PTN: variants seen among roughly 807,000 people sequenced by gnomAD.
PTN encodes pleiotrophin.
PTN carries 18 observed loss-of-function variants against 24.1 expected under a neutral mutation model. That is an observed-to-expected ratio of 0.75 (90% confidence interval 0.52 to 1.11). The LOEUF is 1.11. Among genes scored for constraint, PTN ranks in the 50% least tolerant of loss-of-function variants. PTN has a pLI of 0.00. For missense variants in PTN, 163 were observed against 198.8 expected (o/e 0.82, Z 1.08); for synonymous variants, 78 against 68.6 (o/e 1.14, Z -0.67).
intron 1 of PTN, among the ~76,000 whole-genome samples, chr7:137,342,435 T>A (rs1402015512): frequency 2.0e-5 from 3 of 152,070 alleles, no homozygotes; most frequent in Non-Finnish European, 4.4e-5. Context: ...CCCTCCTATT[T>A]TCTGAATGTG....
intron 4 of PTN, among the ~76,000 whole-genome samples, chr7:137,235,629 C>A (rs945170406): frequency 2.4e-4 from 37 of 152,032 alleles, no homozygotes; most frequent in Non-Finnish European, 1.5e-5. Context: ...TGTTTCATTT[C>A]CTCTTTTATG....
chr7:137,311,200 C>T (rs949658972), intron 1 of PTN, among the ~76,000 whole-genome samples: 2 of 145,570 alleles, frequency 1.4e-5, no homozygotes, highest in African/African-American at 5.1e-5. Flanking sequence ...CCACCGCACA[C>T]CAGCCTGGGT....
intron 1 of PTN, among the ~76,000 whole-genome samples, chr7:137,330,340 G>A (rs907928415): frequency 6.6e-6 from 1 of 151,906 alleles, no homozygotes; most frequent in Non-Finnish European, 1.5e-5. Flanking sequence ...AGGAGGAGGA[G>A]GAGAAGGAGA....
intron 1 of PTN, among the ~76,000 whole-genome samples, chr7:137,336,178 A>G (rs138346290): frequency 5.3e-4 from 81 of 152,242 alleles, no homozygotes; most frequent in African/African-American, 1.9e-3. Context: ...CGTCGTGACC[A>G]TTGACATTTA....
At chr7:137,259,495 T>C (rs1808995308) in intron 1 of PTN, among the ~76,000 whole-genome samples, 1 of 151,992 alleles carries the variant, frequency 6.6e-6, no homozygotes, top group Admixed American at 6.6e-5. Context: ...CTTGAGAGAC[T>C]TGTCATGAAG....
chr7:137,258,263 G>A (rs546206259), intron 1 of PTN, among the ~76,000 whole-genome samples: 8 of 152,216 alleles, frequency 5.3e-5, no homozygotes, highest in South Asian at 2.1e-4. Flanking sequence ...GTACTAGATG[G>A]GAGTTGGAGA....
chr7:137,293,839 A>C (rs1186955739), intron 1 of PTN, among the ~76,000 whole-genome samples: 1 of 152,220 alleles, frequency 6.6e-6, no homozygotes, highest in Non-Finnish European at 1.5e-5. Flanking sequence ...CGTACATTCT[A>C]TGGATTTGGA....
intron 1 of PTN, among the ~76,000 whole-genome samples, chr7:137,257,852 C>T (rs1372085924): frequency 6.6e-6 from 1 of 152,142 alleles, no homozygotes; most frequent in Non-Finnish European, 1.5e-5. Context: ...CCATGGGATG[C>T]TCATCCATAG....
chr7:137,231,006 G>A (rs572453451), intron 4 of PTN, among the ~76,000 whole-genome samples: 1 of 151,830 alleles, frequency 6.6e-6, no homozygotes, highest in African/African-American at 2.4e-5. Flanking sequence ...CCATCCTTCA[G>A]GTACCAGCAT....
intron 4 of PTN, among the ~76,000 whole-genome samples, chr7:137,238,828 T>C (rs1247384612): frequency 6.6e-6 from 1 of 152,158 alleles, no homozygotes; most frequent in Non-Finnish European, 1.5e-5. Context: ...AAATACTCAA[T>C]AAATAGGATA....
At chr7:137,333,664 C>T (rs1810397509) in intron 1 of PTN, among the ~76,000 whole-genome samples, 1 of 152,114 alleles carries the variant, frequency 6.6e-6, no homozygotes, top group Admixed American at 6.5e-5. Context: ...TTAAGAATGA[C>T]TTTCTTCACA....
intron 1 of PTN, among the ~76,000 whole-genome samples, chr7:137,340,130 A>C (rs559168654): frequency 6.6e-6 from 1 of 152,324 alleles, no homozygotes; most frequent in African/African-American, 2.4e-5. Flanking sequence ...GCCTAGAAAA[A>C]TGAATTAAAT....
chr7:137,252,138 C>T lies in PTN; in HGVS notation c.290-747G>A, dbSNP rs927762224. Among the ~76,000 whole-genome samples, 2 of 151,928 alleles carry T rather than the reference C, an allele frequency of 1.3e-5. 1 individual carries two copies. The highest frequency in any genetic ancestry group is 4.9e-5 in the African/African-American group (2 of 41,172). ...TTTCCACTGTGGCTGTACCACCTTA[C>T]AATTTCCACTGGCAACATATGAGGG... On this transcript the variant is annotated intron_variant, in intron 3 of 4. Transcript: ENST00000348225.
intron 1 of PTN, among the ~76,000 whole-genome samples, chr7:137,265,048 C>T (rs1289142730): frequency 6.6e-6 from 1 of 151,138 alleles, no homozygotes; most frequent in African/African-American, 2.4e-5. Context: ...CTGGGGCCGA[C>T]CTGAGTTTTT....
At chr7:137,244,048 T>C (rs1808680058) in intron 4 of PTN, among the ~76,000 whole-genome samples, 1 of 143,720 alleles carries the variant, frequency 7.0e-6, no homozygotes, top group South Asian at 2.3e-4. Flanking sequence ...ATCTAAAAGC[T>C]TTTGACAGAT....
intron 1 of PTN, among the ~76,000 whole-genome samples, chr7:137,294,624 C>T (rs1464178282): frequency 6.6e-6 from 1 of 152,160 alleles, no homozygotes; most frequent in East Asian, 1.9e-4. Context: ...ACCTCAGCCA[C>T]CAGAAAACAG....
rs1585000215 is a variant in PTN, at chr7:137,227,552, G to A, written c.*468C>T. On this transcript the variant is annotated 3_prime_UTR_variant, in exon 5 of 5. Transcript: ENST00000348225. The stretch of plus-strand genomic sequence containing the variant: ...CTGACTACATTTTAAAAAATCTATT[G>A]GCAGAAAACAAGATATTTTCTTCAA... The A allele has an allele frequency of 1.3e-5, 2 of 149,568 alleles. No homozygotes were observed. The highest frequency in any genetic ancestry group is 3.0e-5 in the Non-Finnish European group (2 of 67,396). The allele number at this position is 149,568 out of a possible 1,614,324, so 9.3% of individuals were successfully genotyped here.
At chr7:137,232,965 C>T (rs1808453926) in intron 4 of PTN, among the ~76,000 whole-genome samples, 1 of 151,940 alleles carries the variant, frequency 6.6e-6, no homozygotes, top group South Asian at 2.1e-4. Context: ...CTATGTGGAA[C>T]TGTGAGGGAA....
chr7:137,239,023 C>G, intron 4 of PTN, among the ~76,000 whole-genome samples: 1 of 152,184 alleles, frequency 6.6e-6, no homozygotes, highest in East Asian at 1.9e-4. Context: ...TGTGAGTACA[C>G]AGCTAATGAC....
Sources: allele counts gnomAD v4.1 joint callset (sites outside exome capture counted in the v4.1 genomes callset), GRCh38; gene constraint gnomAD v4.1.1; transcripts MANE v1.5; gene names NCBI Gene and HGNC (gene_info 2026-07-23, HGNC 2026-07-21).